The following IGFL2 variants were observed in gnomAD, a reference collection of about 807,000 sequenced individuals.
IGFL2 encodes insulin growth factor-like family member 2.
IGFL2 carries 7 observed loss-of-function variants against 13.9 expected under a neutral mutation model. That is an observed-to-expected ratio of 0.51 (90% CI 0.29 to 0.95). The LOEUF is 0.95. Among genes scored for constraint, IGFL2 ranks in the 40% least tolerant of loss-of-function variants. The probability of loss-of-function intolerance (pLI) is 0.08; values close to 1 mark genes in which losing one functional copy is unlikely to be tolerated. For missense variants in IGFL2, 138 were observed against 147.8 expected (o/e 0.93, Z 0.34); for synonymous variants, 55 against 55.8 (o/e 0.99, Z 0.07).
chr19:46,177,837 C>A, the IGFL2 span, among the ~76,000 whole-genome samples: 8 of 152,176 alleles, frequency 5.3e-5, no homozygotes, highest in Admixed American at 2.0e-4. Flanking sequence ...CCCCAGCCAA[C>A]TGGACAGAGC....
At chr19:46,134,493 T>A in the IGFL2 span, among the ~76,000 whole-genome samples, 1 of 152,194 alleles carries the variant, frequency 6.6e-6, no homozygotes, top group Non-Finnish European at 1.5e-5. Context: ...TACTGTAGAA[T>A]CAGTGGGAGC....
the IGFL2 span, among the ~76,000 whole-genome samples, chr19:46,181,670 T>G: frequency 6.6e-6 from 1 of 152,248 alleles, no homozygotes; most frequent in South Asian, 2.1e-4. Flanking sequence ...ATCAACTGTT[T>G]CAGTTTCCCA....
upstream of IGFL2, among the ~76,000 whole-genome samples, chr19:46,144,774 G>C (rs964221164): frequency 9.2e-5 from 14 of 152,042 alleles, no homozygotes; most frequent in Non-Finnish European, 2.1e-4. Flanking sequence ...TCAGGTTACA[G>C]AACAGTTCCA....
chr19:46,200,487 TTCTTTTCTTTTCTTTTCTTTTC>T, the IGFL2 span, among the ~76,000 whole-genome samples: 1 of 145,480 alleles, frequency 6.9e-6, no homozygotes, highest in African/African-American at 2.7e-5. Flanking sequence ...TTCTTTTCTT[TTCTTTTCTTTTCTTTTCTTTTC>T]TCTTTTCTTT....
upstream of IGFL2, among the ~76,000 whole-genome samples, chr19:46,142,843 A>G (rs1972919718): frequency 6.6e-6 from 1 of 152,224 alleles, no homozygotes; most frequent in Non-Finnish European, 1.5e-5. Flanking sequence ...GCACATTATA[A>G]CAGCTTTTGA....
At chr19:46,121,788 C>T in the IGFL2 span, among the ~76,000 whole-genome samples, 5 of 150,814 alleles carry the variant, frequency 3.3e-5, no homozygotes, top group African/African-American at 9.9e-5. Context: ...ACAGCAAGTG[C>T]GGAGCTGACT....
chr19:46,197,558 G>A, the IGFL2 span, among the ~76,000 whole-genome samples: 1 of 152,038 alleles, frequency 6.6e-6, no homozygotes, highest in African/African-American at 2.4e-5. Context: ...CAGTGTCTCT[G>A]TCTTCAGTGT....
chr19:46,140,152 G>A (rs953625299), upstream of IGFL2, among the ~76,000 whole-genome samples: 13 of 151,944 alleles, frequency 8.6e-5, no homozygotes, highest in South Asian at 1.2e-3. Flanking sequence ...GTTTCACCAC[G>A]TTGGCCAGGT....
chr19:46,107,996 T>G, the IGFL2 span, among the ~76,000 whole-genome samples: 1 of 152,114 alleles, frequency 6.6e-6, no homozygotes, highest in African/African-American at 2.4e-5. Flanking sequence ...GAGAGGAAAT[T>G]GTTGGGCAGG....
At chr19:46,089,180 C>CTTTA in the IGFL2 span, among the ~76,000 whole-genome samples, 1 of 151,946 alleles carries the variant, frequency 6.6e-6, no homozygotes, top group Non-Finnish European at 1.5e-5. Context: ...CCAAAAAAAA[C>CTTTA]TTTATAGTTA....
At chr19:46,102,511 C>T in the IGFL2 span, among the ~76,000 whole-genome samples, 7 of 152,126 alleles carry the variant, frequency 4.6e-5, no homozygotes, top group African/African-American at 1.7e-4. Flanking sequence ...AAAGTACATT[C>T]ACAAAGGCAA....
downstream of IGFL2, among the ~76,000 whole-genome samples, chr19:46,163,504 G>A (rs1184277563): frequency 6.6e-6 from 1 of 152,160 alleles, no homozygotes; most frequent in East Asian, 1.9e-4. Flanking sequence ...TGGGACCCAT[G>A]GGAAACAGAC....
At chr19:46,123,839 C>T in the IGFL2 span, 121 of 1,553,238 alleles carry the variant, frequency 7.8e-5, 3 homozygotes, top group Non-Finnish European at 1.0e-4. Flanking sequence ...CTGTATCCCT[C>T]ATCCCTCCCT....
the IGFL2 span, among the ~76,000 whole-genome samples, chr19:46,132,774 G>A: frequency 6.6e-6 from 1 of 151,806 alleles, no homozygotes; most frequent in Non-Finnish European, 1.5e-5. Context: ...AAGGGAGGGA[G>A]GGATGGATAG....
chr19:46,104,598 A>T, the IGFL2 span, among the ~76,000 whole-genome samples: 6 of 152,134 alleles, frequency 3.9e-5, no homozygotes, highest in African/African-American at 1.4e-4. Context: ...CCAGACCAAG[A>T]GGTATTTTAG....
At chr19:46,102,786 G>T in the IGFL2 span, among the ~76,000 whole-genome samples, 4 of 152,140 alleles carry the variant, frequency 2.6e-5, no homozygotes, top group Admixed American at 2.0e-4. Context: ...AAGAAAAATA[G>T]AACAAAATAG....
intron 1 of IGFL2, among the ~76,000 whole-genome samples, chr19:46,155,692 A>G (rs116728601): frequency 1.3e-4 from 20 of 152,140 alleles, no homozygotes; most frequent in Non-Finnish European, 2.6e-4. Context: ...TTTGTGTGAG[A>G]TAAGGGTCAA....
At chr19:46,141,891 C>A (rs1408604608), upstream of IGFL2, among the ~76,000 whole-genome samples, 1 of 152,150 alleles carries the variant, frequency 6.6e-6, no homozygotes, top group African/African-American at 2.4e-5. Context: ...AAGAACAAAA[C>A]TTCTGTTTTT....
At chr19:46,172,242 G>C in the IGFL2 span, among the ~76,000 whole-genome samples, 3 of 152,192 alleles carry the variant, frequency 2.0e-5, no homozygotes, top group East Asian at 5.8e-4. Context: ...GGGGGAATTG[G>C]GTAGTTACTA....
Sources: gnomAD v4.1 joint callset for allele counts (sites outside exome capture counted in the v4.1 genomes callset) on GRCh38, gnomAD v4.1.1 for gene constraint, MANE v1.5 for transcripts, NCBI Gene and HGNC (gene_info 2026-07-23, HGNC 2026-07-21) for gene names.